Variants in LRBA observed in about 807,000 individuals in gnomAD.
LRBA encodes LPS responsive beige-like anchor protein, also known as lipopolysaccharide-responsive and beige-like anchor protein.
In LRBA, 176 loss-of-function variants were observed where a neutral mutation model predicts 330.0. The observed-to-expected ratio is 0.53, with a 90% CI of 0.47 to 0.60. LRBA has a LOEUF of 0.60. Among genes scored for constraint, LRBA ranks in the 20% least tolerant of loss-of-function variants. LRBA has a pLI of 0.00. For missense variants in LRBA, 3,259 were observed against 3,444.8 expected, an observed-to-expected ratio of 0.95 and a Z score of 1.35; for synonymous variants, 1,230 against 1,193.0, an observed-to-expected ratio of 1.03 and a Z score of -0.64.
intron 2 of LRBA, among the ~76,000 whole-genome samples, chr4:150,978,199 A>G (rs1415375593): frequency 2.0e-5 from 3 of 152,230 alleles, no homozygotes; most frequent in African/African-American, 7.2e-5. Flanking sequence ...AGAGAGAGAG[A>G]GCAACATACC....
chr4:150,690,927 CTTTTTT>C (rs70941427), intron 36 of LRBA, among the ~76,000 whole-genome samples: 1 of 106,328 alleles, frequency 9.4e-6, no homozygotes, highest in Non-Finnish European at 2.0e-5. Flanking sequence ...AACACCTGGT[CTTTTTT>C]TTTTTTTTTT....
At chr4:150,560,558 A>C (rs1269378738) in intron 40 of LRBA, among the ~76,000 whole-genome samples, 1 of 152,214 alleles carries the variant, frequency 6.6e-6, no homozygotes, top group Non-Finnish European at 1.5e-5. Context: ...CGAATCATTC[A>C]TAGGGTATAT....
At chr4:150,744,167 C>A (rs896674383) in intron 35 of LRBA, among the ~76,000 whole-genome samples, 1 of 152,122 alleles carries the variant, frequency 6.6e-6, no homozygotes, top group Admixed American at 6.6e-5. Context: ...TCCTCTGATT[C>A]TACGATAGAA....
intron 40 of LRBA, among the ~76,000 whole-genome samples, chr4:150,556,958 G>A (rs528269790): frequency 7.9e-5 from 12 of 152,124 alleles, no homozygotes; most frequent in Non-Finnish European, 1.6e-4. Context: ...ACCAAAGAAA[G>A]ATAATTAAAA....
At chr4:150,828,949 G>A (rs1258963979) in intron 29 of LRBA, among the ~76,000 whole-genome samples, 1 of 151,180 alleles carries the variant, frequency 6.6e-6, no homozygotes, top group Non-Finnish European at 1.5e-5. Flanking sequence ...GTGTGTGTGT[G>A]TGTGTGTGTG....
intron 17 of LRBA, among the ~76,000 whole-genome samples, chr4:150,882,460 A>G (rs1185282184): frequency 6.6e-6 from 1 of 152,234 alleles, no homozygotes; most frequent in African/African-American, 2.4e-5. Flanking sequence ...AACAATAAAT[A>G]AATGTTTATT....
intron 5 of LRBA, among the ~76,000 whole-genome samples, chr4:150,920,755 T>C (rs550641320): frequency 6.6e-6 from 1 of 152,262 alleles, no homozygotes; most frequent in East Asian, 1.9e-4. Flanking sequence ...CAACATAATT[T>C]GGAAACTCAC....
chr4:150,398,288 A>G (rs1052350336), intron 47 of LRBA, among the ~76,000 whole-genome samples: 2 of 152,204 alleles, frequency 1.3e-5, no homozygotes, highest in Admixed American at 1.3e-4. Context: ...GCAGTAAAAC[A>G]CTTTCAAAGA....
chr4:150,908,685 T>C lies in LRBA; in HGVS notation c.1334A>G (p.His445Arg). Residue 445 changes from histidine (H) to arginine (R), a missense_variant, in exon 10 of 57, where the codon CAT (histidine) becomes CGT (arginine). Physicochemically the swap from His to Arg is conservative, Grantham distance 29. Coordinates refer to ENST00000651943, the MANE Select transcript of LRBA (RefSeq NM_001364905.1). ...CTGGAGCATGAGTGCATGTGGTGAA[T>C]GAACAAAAATTGAAGGGTTGTCCTT... ...SPKDNPSIFVHSPHALMLQDV... is the reference protein window; with the variant it reads ...SPKDNPSIFVRSPHALMLQDV... 4 of 1,613,876 alleles carry C rather than the reference T, an allele frequency of 2.5e-6. No individual in the cohort carries two copies. The highest frequency in any genetic ancestry group is 2.5e-6 in the Non-Finnish European group (3 of 1,179,874).
intron 38 of LRBA, among the ~76,000 whole-genome samples, chr4:150,594,485 T>G (rs1204994917): frequency 6.6e-6 from 1 of 152,054 alleles, no homozygotes. Context: ...CGTCTAAAAG[T>G]TAATTGGATG....
At chr4:150,904,082 G>A (rs564115979) in intron 13 of LRBA, among the ~76,000 whole-genome samples, 10 of 152,210 alleles carry the variant, frequency 6.6e-5, no homozygotes, top group African/African-American at 1.7e-4. Context: ...ATTATAAATC[G>A]CTGGTAGCTC....
intron 55 of LRBA, 90 bp from the exon 56 acceptor site, chr4:150,278,094 T>C (rs1424005395): frequency 9.1e-7 from 1 of 1,097,754 alleles, no homozygotes; most frequent in East Asian, 2.4e-5. Flanking sequence ...CACCAGCTAC[T>C]ACGGTGCAGA....
At chr4:150,594,302 C>T (rs1413811731) in intron 38 of LRBA, among the ~76,000 whole-genome samples, 1 of 151,660 alleles carries the variant, frequency 6.6e-6, no homozygotes, top group African/African-American at 2.4e-5. Context: ...TAGCTTTCTG[C>T]TAAAGAACCT....
intron 36 of LRBA, among the ~76,000 whole-genome samples, chr4:150,685,402 ATATATATATATATATATATTTTTTTT>A (rs1783468746): frequency 7.4e-5 from 1 of 13,530 alleles, no homozygotes; most frequent in Non-Finnish European, 1.4e-4. Context: ...ATATATATAT[ATATATATATATATATATATTTTTTTT>A]TTTTTTTTTT....
intron 17 of LRBA, among the ~76,000 whole-genome samples, chr4:150,877,081 G>A (rs925650932): frequency 2.0e-5 from 3 of 151,572 alleles, no homozygotes; most frequent in Non-Finnish European, 2.9e-5. Context: ...GTGAAACCCC[G>A]TCTTTACTAA....
At chr4:150,537,724 G>C (rs1292929908) in intron 40 of LRBA, among the ~76,000 whole-genome samples, 1 of 152,144 alleles carries the variant, frequency 6.6e-6, no homozygotes, top group Non-Finnish European at 1.5e-5. Flanking sequence ...GCTAAGGCAG[G>C]TGGATCACTT....
intron 56 of LRBA, among the ~76,000 whole-genome samples, chr4:150,275,634 A>G (rs1168920832): frequency 3.3e-5 from 5 of 152,192 alleles, no homozygotes; most frequent in African/African-American, 1.2e-4. Context: ...CTATACACCA[A>G]TAACAGACAA....
At chr4:150,891,699 C>G (rs959343680) in intron 17 of LRBA, among the ~76,000 whole-genome samples, 2 of 152,152 alleles carry the variant, frequency 1.3e-5, no homozygotes, top group Admixed American at 6.5e-5. Context: ...TAAAATAAAT[C>G]TCTCTCGTGA....
At chr4:150,310,105 C>T in intron 52 of LRBA, 124 bp downstream of exon 52, 2 of 633,684 alleles carry the variant, frequency 3.2e-6, no homozygotes, top group Admixed American at 2.6e-5. Context: ...ATGCCCTCTT[C>T]TCCCTATTTT....
Sources: gnomAD v4.1 joint callset for allele counts (sites outside exome capture counted in the v4.1 genomes callset) on GRCh38, gnomAD v4.1.1 for gene constraint, MANE v1.5 for transcripts, NCBI Gene and HGNC (gene_info 2026-07-23, HGNC 2026-07-21) for gene names.